The following RTKN variants were observed in gnomAD, a reference collection of about 807,000 sequenced individuals.
The protein encoded by RTKN is rhotekin.
RTKN carries 49 observed loss-of-function variants against 63.5 expected under a neutral mutation model. The ratio of observed to expected loss-of-function variants is 0.77; its 90% confidence interval spans 0.61 to 0.98. The LOEUF is 0.98. Among genes scored for constraint, RTKN ranks in the 50% least tolerant of loss-of-function variants. The pLI is 0.00. For synonymous variants in RTKN, 295 were observed against 290.4 expected (o/e 1.02, Z -0.16); for missense variants, 685 against 740.8 (o/e 0.92, Z 0.87).
At chr2:74,439,859 C>T in intron 1 of RTKN, 1 of 1,353,768 alleles carries the variant, frequency 7.4e-7, no homozygotes, top group Non-Finnish European at 9.5e-7. Flanking sequence ...GGGAGCCAGG[C>T]AGGGAAGAAA....
rs1218334226 is a variant in RTKN at position 74,441,885 on chromosome 2, G to C, written c.-69C>G. ...CCGCCCGGCTTAGCCTCCTCTCCTC[G>C]GCTTCTGTCTCTCGACGCTCGTCCG... is the stretch of plus-strand genomic sequence containing the variant. On this transcript the variant is annotated 5_prime_UTR_variant, in exon 1 of 12. Transcript: ENST00000272430. The C allele has an allele frequency of 6.5e-6, 6 of 927,422 alleles. No individual in the cohort carries two copies. Among genetic ancestry groups the C allele is most frequent in the Non-Finnish European group, 1.0e-5 (6 of 592,518 alleles). 57.4% of individuals were successfully genotyped at this position (927,422 alleles called of 1,614,324 possible). A position where few individuals can be genotyped will look rare whatever the true frequency, so the allele number is the denominator to read the frequency against.
Position 74,429,931 on chromosome 2 carries a change from T to G in RTKN, c.652A>C (p.Ser218Arg). The G allele has an allele frequency of 6.2e-7, 1 of 1,614,200 alleles. No homozygotes were observed. The highest frequency in any genetic ancestry group is 8.5e-7 in the Non-Finnish European group (1 of 1,180,020). Residue 218 changes from serine (S) to arginine (R), a missense_variant, in exon 6 of 12, where the codon AGC (serine) becomes CGC (arginine). Coordinates refer to ENST00000272430, the MANE Select transcript of RTKN (RefSeq NM_001015055.2). Reference sequence around the variant, plus strand: ...CCTGAGGAGCGGCCCAGGGAGCTGCTGAGTTTGGTGGCAAGCCTCTTGGGG... The same window carrying G: ...CCTGAGGAGCGGCCCAGGGAGCTGCGGAGTTTGGTGGCAAGCCTCTTGGGG... ...GGPKRLATKL[S>R]SSLGRSSGRR...
At chr2:74,429,673 G>T (rs1444111823) in intron 6 of RTKN, among the ~76,000 whole-genome samples, 155 bp downstream of exon 6, 2 of 152,206 alleles carry the variant, frequency 1.3e-5, no homozygotes, top group African/African-American at 2.4e-5. Context: ...GCGTGGGCTG[G>T]AATGCCTCCC....
chr2:74,433,488 G>A (rs1033381182), intron 1 of RTKN, among the ~76,000 whole-genome samples: 15 of 149,036 alleles, frequency 1.0e-4, no homozygotes, highest in Admixed American at 2.0e-4. Context: ...TATTCAGTGC[G>A]GCATTTTTTT....
At chr2:74,438,857 A>T (rs1671196435) in intron 1 of RTKN, among the ~76,000 whole-genome samples, 1 of 152,142 alleles carries the variant, frequency 6.6e-6, no homozygotes. Context: ...TAATTTCTTT[A>T]TGTGATATTA....
At chr2:74,441,157 T>A (rs1671345105) in intron 1 of RTKN, among the ~76,000 whole-genome samples, 1 of 152,200 alleles carries the variant, frequency 6.6e-6, no homozygotes, top group African/African-American at 2.4e-5. Flanking sequence ...GCGGAAATTT[T>A]GCGTGTGGGA....
chr2:74,432,681 G>A lies in RTKN; in HGVS notation c.112-15C>T. The A allele has an allele frequency of 6.2e-7, 1 of 1,613,158 alleles. No individual in the cohort carries two copies. The highest frequency in any genetic ancestry group is 8.5e-7 in the Non-Finnish European group (1 of 1,179,314). Reference sequence around the variant, plus strand: ...AACTCCGTGTCCTAGCCAGGGTTGGGGGAAGGGTGAGAAGGAAATGTCAGT... The same window carrying A: ...AACTCCGTGTCCTAGCCAGGGTTGGAGGAAGGGTGAGAAGGAAATGTCAGT... On this transcript the variant is annotated splice_polypyrimidine_tract_variant and intron_variant, in intron 1 of 11. Coordinates refer to ENST00000272430, the MANE Select transcript of RTKN (RefSeq NM_001015055.2).
At position 74,436,248 on chromosome 2, in the gene RTKN, G is replaced by T. The variant is rs1671054834; in HGVS notation, c.112-3582C>A. 6.6e-6 allele frequency among the ~76,000 whole-genome samples: 1 copy of T among 152,402 alleles called. No homozygotes were observed. Among genetic ancestry groups the T allele is most frequent in the South Asian group, 2.1e-4 (1 of 4,834 alleles). Reference sequence around the variant, plus strand: ...CGCGCAGAGGCGCGCGAGGTCCAGAGAGCTGCACTGGCCTGGGGAGCCGGC... The same window carrying T: ...CGCGCAGAGGCGCGCGAGGTCCAGATAGCTGCACTGGCCTGGGGAGCCGGC... On this transcript the variant is annotated intron_variant, in intron 1 of 11. Transcript: ENST00000272430. The surrounding 1 kb of genome is among the most constrained non-coding windows in gnomAD (Gnocchi z 4.3).
At position 74,439,682 on chromosome 2, in the gene RTKN, A is replaced by G. The variant is rs1175360475; in HGVS notation, c.111+2024T>C. On this transcript the variant is annotated intron_variant, in intron 1 of 11. Transcript: ENST00000272430. ...CCCTCCAGAGGGGGGACAGATAGGT[A>G]CCACACTGTCCCACAGTTCCTCCTC... is the stretch of plus-strand genomic sequence containing the variant. 9 of 1,606,866 alleles carry G rather than the reference A, an allele frequency of 5.6e-6. 1 individual carries two copies. The highest frequency in any genetic ancestry group is 1.7e-5 in the Admixed American group (1 of 59,022).
intron 1 of RTKN, chr2:74,440,368 A>C (rs1169369889): frequency 1.4e-5 from 14 of 986,292 alleles, no homozygotes; most frequent in Non-Finnish European, 1.7e-5. Flanking sequence ...TTTTCCAGAG[A>C]AGGGAGGAGA....
chr2:74,432,358 TG>T, intron 2 of RTKN, 108 bp downstream of exon 2: 1 of 1,066,238 alleles, frequency 9.4e-7, no homozygotes, highest in Non-Finnish European at 1.4e-6. Context: ...TAAGACTTCA[TG>T]GGGAAGTCAT....
chr2:74,430,656 G>C lies in RTKN; in HGVS notation c.333C>G (p.Pro111=). 1.2e-6 allele frequency: 2 copies of C among 1,613,096 alleles called. No individual in the cohort carries two copies. Among genetic ancestry groups the C allele is most frequent in the Non-Finnish European group, 1.7e-6 (2 of 1,179,898 alleles). ...TSRRPSDSGP[P]AERSPCRGRV... is the part of the protein sequence containing the mutation. ...GGCCGCGGCAGGGGGAGCGCTCAGC[G>C]GGCGGGCCACTGTCAGAAGGCCTGT... Residue 111 remains proline (P), a synonymous_variant, in exon 3 of 12, where the codon CCC becomes CCG. Coordinates refer to ENST00000272430, the MANE Select transcript of RTKN (RefSeq NM_001015055.2).
At chr2:74,440,951 T>G (rs1339563116) in intron 1 of RTKN, among the ~76,000 whole-genome samples, 1 of 152,190 alleles carries the variant, frequency 6.6e-6, no homozygotes, top group African/African-American at 2.4e-5. Context: ...TGGGCGAGTG[T>G]GAGTCTGACC....
rs1269117347 is a variant in RTKN at position 74,430,373 on chromosome 2, G to C, written c.428-4C>G. 1 of 1,613,942 alleles carries C rather than the reference G, an allele frequency of 6.2e-7. No homozygotes were observed. Among genetic ancestry groups the C allele is most frequent in the African/African-American group, 1.3e-5 (1 of 74,912 alleles). On this transcript the variant is annotated splice_polypyrimidine_tract_variant and splice_region_variant and intron_variant, in intron 4 of 11. Coordinates refer to ENST00000272430, the MANE Select transcript of RTKN (RefSeq NM_001015055.2). The stretch of plus-strand genomic sequence containing the variant: ...AACACAGCCCAGCGGTGCAAGTCTG[G>C]GGACAAAGGGCAAAACAAAAAACAC...
intron 1 of RTKN, among the ~76,000 whole-genome samples, chr2:74,434,713 C>G (rs1189252365): frequency 6.6e-6 from 1 of 152,186 alleles, no homozygotes; most frequent in Admixed American, 6.5e-5. Context: ...CTGCGCCCAG[C>G]CTAATGATAC....
rs1354323934 is a variant in RTKN at position 74,428,961 on chromosome 2, A to T, written c.756-19T>A. On this transcript the variant is annotated intron_variant, in intron 6 of 11. Coordinates refer to ENST00000272430, the MANE Select transcript of RTKN (RefSeq NM_001015055.2). The stretch of plus-strand genomic sequence containing the variant: ...AGGACCACTGAGGGAGATAGGAGAG[A>T]GCATCAGCCAAGGGAGGGGCATGTT... 3 of 1,602,412 alleles carry T rather than the reference A, an allele frequency of 1.9e-6. No individual in the cohort carries two copies. The highest frequency in any genetic ancestry group is 1.7e-5 in the Admixed American group (1 of 59,926).
At position 74,426,701 on chromosome 2, in the gene RTKN, G is replaced by T; in HGVS notation, c.1361-127C>A. 4 of 1,407,160 alleles carry T rather than the reference G, an allele frequency of 2.8e-6. No homozygotes were observed. In the South Asian group the frequency reaches 6.8e-5, roughly 24 times the overall value. 87.2% of individuals were successfully genotyped at this position (1,407,160 alleles called of 1,614,324 possible). On this transcript the variant is annotated intron_variant, in intron 11 of 11. Transcript: ENST00000272430. ...AAGCCTGGATCTCAGTGGAGATTGC[G>T]TTATCCTGCAGGAGCAGCCCCTCAC...
intron 1 of RTKN, chr2:74,440,017 C>A (rs981672005): frequency 4.3e-5 from 46 of 1,057,638 alleles, no homozygotes; most frequent in Non-Finnish European, 5.1e-5. Flanking sequence ...ACTCTGGCCG[C>A]TCCCCAGCCC....
chr2:74,441,458 A>G (rs541382776), intron 1 of RTKN, among the ~76,000 whole-genome samples: 1 of 152,356 alleles, frequency 6.6e-6, no homozygotes, highest in South Asian at 2.1e-4. Flanking sequence ...CTACAAATTG[A>G]GACCAACCCG....
Sources: allele counts gnomAD v4.1 joint callset (sites outside exome capture counted in the v4.1 genomes callset), GRCh38; gene constraint gnomAD v4.1.1; non-coding constraint Gnocchi (gnomAD v3.1); transcripts MANE v1.5; gene names NCBI Gene and HGNC (gene_info 2026-07-23, HGNC 2026-07-21).